IQCH: variants seen among roughly 807,000 people sequenced by gnomAD.
IQCH encodes IQ motif containing H.
In IQCH, 98 loss-of-function variants were observed where a neutral mutation model predicts 117.0. The ratio of observed to expected loss-of-function variants is 0.84; its 90% CI spans 0.71 to 0.99. The LOEUF (loss-of-function observed/expected upper bound fraction) is 0.99. IQCH is among the 50% of genes least tolerant of loss of function. The pLI is 0.00. For synonymous variants in IQCH, 412 were observed against 448.2 expected, an observed-to-expected ratio of 0.92 and a Z score of 1.02; for missense variants, 1,102 against 1,243.8, an observed-to-expected ratio of 0.89 and a Z score of 1.72.
At chr15:67,410,648 G>C (rs1340168742) in intron 14 of IQCH, among the ~76,000 whole-genome samples, 1 of 152,224 alleles carries the variant, frequency 6.6e-6, no homozygotes, top group Non-Finnish European at 1.5e-5. Flanking sequence ...CCTTGCAGCT[G>C]AGTTGGGGGG....
intron 4 of IQCH, among the ~76,000 whole-genome samples, chr15:67,301,513 A>T (rs192462645): frequency 6.8e-6 from 1 of 146,580 alleles, no homozygotes; most frequent in East Asian, 2.1e-4. Context: ...GGGTTCAAGC[A>T]ATTCTCATGC....
In IQCH at chr15:67,430,719, T is replaced by TA. The variant is rs988825995; in HGVS notation, c.2505+9150dup. On this transcript the variant is annotated intron_variant, in intron 16 of 20. Coordinates refer to ENST00000335894, the MANE Select transcript of IQCH (RefSeq NM_001031715.3). This position sits in a 1 kb window ranked among gnomAD's most constrained non-coding sequence, Gnocchi z 5.1. The stretch of plus-strand genomic sequence containing the variant: ...TTAATTACTCACTTTGGGGAAACTC[T>TA]AAAAAAAACAAGTGTTTATTGAGCA... 2.0e-5 allele frequency among the ~76,000 whole-genome samples: 3 copies of TA among 151,868 alleles called. No individual in the cohort carries two copies. The highest frequency in any genetic ancestry group is 4.8e-5 in the African/African-American group (2 of 41,340).
chr15:67,371,078 A>C (rs1290640731), intron 8 of IQCH, among the ~76,000 whole-genome samples: 1 of 152,158 alleles, frequency 6.6e-6, no homozygotes, highest in African/African-American at 2.4e-5. Flanking sequence ...TGTTGAAAAC[A>C]ATCTATTCCT....
At chr15:67,310,747 A>G (rs1435920785) in intron 4 of IQCH, among the ~76,000 whole-genome samples, 1 of 152,150 alleles carries the variant, frequency 6.6e-6, no homozygotes, top group Non-Finnish European at 1.5e-5. Flanking sequence ...CAAGGTTGCA[A>G]TGTTATTCTG....
Position 67,480,858 on chromosome 15 carries a change from A to G in IQCH, c.2799+5040A>G, listed in dbSNP as rs117010955. ...TTGGAAATTTTAGTGTTAATGGTGTATATTAGGCATTGCCGACTGCATTTG... is the reference window on the plus strand; with the variant it reads ...TTGGAAATTTTAGTGTTAATGGTGTGTATTAGGCATTGCCGACTGCATTTG... On this transcript the variant is annotated intron_variant, in intron 18 of 20. Transcript: ENST00000335894. Among the ~76,000 whole-genome samples, 87 of 152,234 alleles carry G rather than the reference A, an allele frequency of 5.7e-4. 6 individuals carry two copies. In the East Asian group the frequency reaches 5.8e-3, roughly 10 times the overall value.
intron 3 of IQCH, among the ~76,000 whole-genome samples, chr15:67,271,968 G>T (rs1267838938): frequency 6.6e-6 from 1 of 151,812 alleles, no homozygotes; most frequent in African/African-American, 2.4e-5. Flanking sequence ...TTGGGGTTTG[G>T]TGTGTTCTTG....
rs1057035050 is a variant in IQCH at position 67,490,282 on chromosome 15, T to C, written c.2861+218T>C. The stretch of plus-strand genomic sequence containing the variant: ...GTGCAGTGGCGCGATCTCAGCTCAC[T>C]GCAACCTCCACCTCCCGGGTTCAAG... On this transcript the variant is annotated intron_variant, in intron 19 of 20. Coordinates refer to ENST00000335894, the MANE Select transcript of IQCH (RefSeq NM_001031715.3). The surrounding 1 kb of genome is among the most constrained non-coding windows in gnomAD (Gnocchi z 4.9). Among the ~76,000 whole-genome samples the C allele has an allele frequency of 1.3e-5, 2 of 152,162 alleles. No individual in the cohort carries two copies. The highest frequency in any genetic ancestry group is 4.8e-5 in the African/African-American group (2 of 41,436).
At chr15:67,352,921 G>T (rs1400153169) in intron 6 of IQCH, among the ~76,000 whole-genome samples, 1 of 152,148 alleles carries the variant, frequency 6.6e-6, no homozygotes, top group African/African-American at 2.4e-5. Context: ...GCTAAGGTGG[G>T]TGGATCACGA....
chr15:67,473,294 C>T lies in IQCH; in HGVS notation c.2677-2402C>T, dbSNP rs2083119006. Reference sequence around the variant, plus strand: ...TGAGAGCATGGCCAGCCCAGTATGGCAGGGCGAGCAGGCCTTGTGGCCATG... The same window carrying T: ...TGAGAGCATGGCCAGCCCAGTATGGTAGGGCGAGCAGGCCTTGTGGCCATG... On this transcript the variant is annotated intron_variant, in intron 17 of 20. Coordinates refer to ENST00000335894, the MANE Select transcript of IQCH (RefSeq NM_001031715.3). This position sits in a 1 kb window ranked among gnomAD's most constrained non-coding sequence, Gnocchi z 4.9. Among the ~76,000 whole-genome samples the T allele has an allele frequency of 6.6e-6, 1 of 152,238 alleles. No homozygotes were observed. Among genetic ancestry groups the T allele is most frequent in the African/African-American group, 2.4e-5 (1 of 41,464 alleles).
rs144463314 is a variant in IQCH at position 67,490,058 on chromosome 15, G to C, written c.2855G>C (p.Gly952Ala). The C allele has an allele frequency of 2.5e-6, 4 of 1,608,134 alleles. No individual in the cohort carries two copies. The highest frequency in any genetic ancestry group is 3.4e-6 in the Non-Finnish European group (4 of 1,175,290). Residue 952 changes from glycine to alanine, a missense_variant, in exon 19 of 21, where the codon GGA becomes GCA. Around this residue, in one of 2 missense-constraint regions of IQCH, gnomAD observed 650 missense variants for 794.3 expected, o/e 0.82. Transcript: ENST00000335894. This position sits in a 1 kb window ranked among gnomAD's most constrained non-coding sequence, Gnocchi z 4.9. ...GAGCACCTGAAGAGACACAAGTTGGGAATGTTGTGAGTATGAAGTGTATCT... is the reference window on the plus strand; with the variant it reads ...GAGCACCTGAAGAGACACAAGTTGGCAATGTTGTGAGTATGAAGTGTATCT... ...LYEHLKRHKL[G>A]MLTIGEDLQG...
chr15:67,421,792 A>G (rs551600978), intron 16 of IQCH, among the ~76,000 whole-genome samples: 1 of 152,276 alleles, frequency 6.6e-6, no homozygotes, highest in South Asian at 2.1e-4. Context: ...TCGTTCAGGT[A>G]CAGTTGGAGT....
At chr15:67,363,212 T>C (rs1420586923) in intron 8 of IQCH, among the ~76,000 whole-genome samples, 1 of 151,600 alleles carries the variant, frequency 6.6e-6, no homozygotes, top group Non-Finnish European at 1.5e-5. Flanking sequence ...CTGTGGAATC[T>C]TTTTTAAAAA....
Position 67,370,683 on chromosome 15 carries a change from G to A in IQCH, c.754-1428G>A, listed in dbSNP as rs928669441. 1.3e-5 allele frequency among the ~76,000 whole-genome samples: 2 copies of A among 152,164 alleles called. No homozygotes were observed. The highest frequency in any genetic ancestry group is 2.4e-5 in the African/African-American group (1 of 41,444). On this transcript the variant is annotated intron_variant, in intron 8 of 20. Transcript: ENST00000335894. The surrounding 1 kb of genome is among the most constrained non-coding windows in gnomAD (Gnocchi z 5.6). The stretch of plus-strand genomic sequence containing the variant: ...TGGCACCCTGATTAGATCAGAAAGG[G>A]ATAGAAGCTTGGAAGGAAGATTTTT...
At chr15:67,402,106 T>G (rs1460108909) in intron 14 of IQCH, among the ~76,000 whole-genome samples, 1 of 152,244 alleles carries the variant, frequency 6.6e-6, no homozygotes, top group Non-Finnish European at 1.5e-5. Flanking sequence ...AGCCTCATTG[T>G]GCATTATTTA....
At chr15:67,499,814 G>C (rs1355267164) in intron 20 of IQCH, among the ~76,000 whole-genome samples, 1 of 152,124 alleles carries the variant, frequency 6.6e-6, no homozygotes, top group Non-Finnish European at 1.5e-5. Context: ...GATCCATGCT[G>C]CAACATGGAC....
intron 3 of IQCH, among the ~76,000 whole-genome samples, chr15:67,278,936 C>T (rs1367790059): frequency 2.0e-5 from 3 of 152,096 alleles, no homozygotes; most frequent in Admixed American, 6.5e-5. Flanking sequence ...TGTTTAACCA[C>T]CTTTGATATT....
chr15:67,272,272 A>C (rs1404782360), intron 3 of IQCH, among the ~76,000 whole-genome samples: 1 of 152,150 alleles, frequency 6.6e-6, no homozygotes, highest in Non-Finnish European at 1.5e-5. Context: ...TTAGAAAAAA[A>C]TACTTAATAT....
chr15:67,466,013 A>AT lies in IQCH; in HGVS notation c.2676+720dup, dbSNP rs2082924118. 6.6e-6 allele frequency among the ~76,000 whole-genome samples: 1 copy of AT among 152,182 alleles called. No homozygotes were observed. The highest frequency in any genetic ancestry group is 6.5e-5 in the Admixed American group (1 of 15,272). ...TGAGCATGTTGTTCCCCTGTGTGTGATTTTGAATGGACTCCTGTGATCTTC... is the reference window on the plus strand; with the variant it reads ...TGAGCATGTTGTTCCCCTGTGTGTGATTTTTGAATGGACTCCTGTGATCTTC... On this transcript the variant is annotated intron_variant, in intron 17 of 20. Transcript: ENST00000335894. The surrounding 1 kb of genome is among the most constrained non-coding windows in gnomAD (Gnocchi z 4.4).
chr15:67,447,498 C>G lies in IQCH; in HGVS notation c.2506-17629C>G, dbSNP rs974507425. Among the ~76,000 whole-genome samples, 1 of 152,166 alleles carries G rather than the reference C, an allele frequency of 6.6e-6. No individual in the cohort carries two copies. The highest frequency in any genetic ancestry group is 1.5e-5 in the Non-Finnish European group (1 of 68,016). On this transcript the variant is annotated intron_variant, in intron 16 of 20. Coordinates refer to ENST00000335894, the MANE Select transcript of IQCH (RefSeq NM_001031715.3). The surrounding 1 kb of genome is among the most constrained non-coding windows in gnomAD (Gnocchi z 5.3). ...TGATAAGCATGTAGTACCTGGGACTCAACCCTCTACCATCACCAAATTAGT... is the reference window on the plus strand; with the variant it reads ...TGATAAGCATGTAGTACCTGGGACTGAACCCTCTACCATCACCAAATTAGT...
Sources: allele counts gnomAD v4.1 joint callset (sites outside exome capture counted in the v4.1 genomes callset), GRCh38; gene constraint gnomAD v4.1.1; regional missense constraint gnomAD v4.1.1; non-coding constraint Gnocchi (gnomAD v3.1); transcripts MANE v1.5; gene names NCBI Gene and HGNC (gene_info 2026-07-23, HGNC 2026-07-21).